Variants in SEC16A observed in about 807,000 individuals in gnomAD.
SEC16A encodes protein transport protein Sec16A.
A neutral mutation model predicts 221.9 loss-of-function variants in SEC16A; 110 were observed. That is an observed-to-expected ratio of 0.50 (90% CI 0.42 to 0.58). The LOEUF (loss-of-function observed/expected upper bound fraction) is 0.58, where lower values mean the gene tolerates loss of function less well. Among genes scored for constraint, SEC16A ranks in the 20% least tolerant of loss-of-function variants. The probability of loss-of-function intolerance (pLI) is 0.00; values close to 1 mark genes in which losing one functional copy is unlikely to be tolerated. For synonymous variants in SEC16A, 1,393 were observed against 1,257.7 expected, an observed-to-expected ratio of 1.11 and a Z score of -2.28; for missense variants, 3,165 against 3,097.8, an observed-to-expected ratio of 1.02 and a Z score of -0.52.
rs890137803 is a variant in SEC16A, at chr9:136,451,238, G to A, written c.6312+18C>T. 1.1e-5 allele frequency: 17 copies of A among 1,605,796 alleles called. No individual in the cohort carries two copies. The highest frequency in any genetic ancestry group is 4.0e-5 in the African/African-American group (3 of 74,772). On this transcript the variant is annotated intron_variant, in intron 23 of 31. Transcript: ENST00000684901. Reference sequence around the variant, plus strand: ...AACCCTCCCGGCCGCCAGGCGCACCGTGGGCAGGCTGTACTACCTTCTTAG... The same window carrying A: ...AACCCTCCCGGCCGCCAGGCGCACCATGGGCAGGCTGTACTACCTTCTTAG...
intron 23 of SEC16A, 46 bp from the exon 24 acceptor site, chr9:136,448,207 A>G (rs1479169183): frequency 1.3e-6 from 2 of 1,537,190 alleles, no homozygotes; most frequent in Non-Finnish European, 1.8e-6. Context: ...ATTATGTTCC[A>G]TGAAATAAGC....
intron 13 of SEC16A, among the ~76,000 whole-genome samples, 196 bp from the exon 14 acceptor site, chr9:136,460,319 G>C (rs2132315517): frequency 6.6e-6 from 1 of 152,216 alleles, no homozygotes; most frequent in Non-Finnish European, 1.5e-5. Flanking sequence ...GCCGGGTGTG[G>C]TGGTGCACAC....
intron 4 of SEC16A, among the ~76,000 whole-genome samples, chr9:136,470,828 C>T (rs1247796721): frequency 1.3e-5 from 2 of 152,240 alleles, no homozygotes; most frequent in African/African-American, 4.8e-5. Flanking sequence ...GTAGCTTTTT[C>T]TCTATTACCA....
chr9:136,450,280 C>T (rs759000675), intron 23 of SEC16A, among the ~76,000 whole-genome samples: 1 of 152,094 alleles, frequency 6.6e-6, no homozygotes, highest in Non-Finnish European at 1.5e-5. Flanking sequence ...GAAGATATCA[C>T]AATAAATACA....
In SEC16A at chr9:136,475,702, G is replaced by C; in HGVS notation, c.1914C>G (p.Thr638=). 2 of 1,613,432 alleles carry C rather than the reference G, an allele frequency of 1.2e-6. No homozygotes were observed. Among genetic ancestry groups the C allele is most frequent in the Non-Finnish European group, 1.7e-6 (2 of 1,179,688 alleles). The change falls in exon 3 of 32, where the codon ACC becomes ACG. Residue 638 remains threonine (T), a synonymous_variant. Transcript: ENST00000684901. The surrounding 1 kb of genome is among the most constrained non-coding windows in gnomAD (Gnocchi z 5.0). The stretch of plus-strand genomic sequence containing the variant: ...GTCTGCACTGCTTCTGGCGGACACA[G>C]GTCTCCCTTACTTCACCAACCACGT... ...RANVVGEVRE[T]CVRQKQCRPA...
intron 12 of SEC16A, among the ~76,000 whole-genome samples, 160 bp from the exon 13 acceptor site, chr9:136,461,434 G>A (rs1839469613): frequency 1.3e-5 from 2 of 152,234 alleles, no homozygotes; most frequent in Non-Finnish European, 2.9e-5. Context: ...GACACGTAGC[G>A]ATTCATTATT....
intron 12 of SEC16A, among the ~76,000 whole-genome samples, chr9:136,462,523 TGTG>T (rs1237915498): frequency 1.3e-5 from 2 of 152,230 alleles, no homozygotes; most frequent in Non-Finnish European, 2.9e-5. Flanking sequence ...ACTTCTGGGC[TGTG>T]GACTCGAGTC....
chr9:136,476,361 C>T lies in SEC16A; in HGVS notation c.1255G>A (p.Gly419Arg), dbSNP rs374218992. 2.0e-5 allele frequency: 32 copies of T among 1,612,680 alleles called. No individual in the cohort carries two copies. The highest frequency in any genetic ancestry group is 2.6e-5 in the Non-Finnish European group (31 of 1,179,882). The change falls in exon 3 of 32, where the codon GGG (glycine) becomes AGG (arginine). Residue 419 changes from glycine (G) to arginine (R), a missense_variant. This residue lies in a region of SEC16A where 2,030 missense variants were observed against 1,923.1 expected (regional missense o/e 1.06). Coordinates refer to ENST00000684901, the MANE Select transcript of SEC16A (RefSeq NM_014866.2). ...AGGGCCTGGCAGAGGCTGCCTGCCC[C>T]CACGTGTGTAGGTGCGGGCGGACGG... Reference protein sequence around the residue: ...LGRPPAPTHVGAGSLCQALLP... With the variant: ...LGRPPAPTHVRAGSLCQALLP...
At chr9:136,448,306 G>A in intron 23 of SEC16A, 145 bp from the exon 24 acceptor site, 1 of 737,516 alleles carries the variant, frequency 1.4e-6, no homozygotes, top group Non-Finnish European at 2.5e-6. Context: ...ATGGAGGTGG[G>A]AGCAGATCCA....
Position 136,441,772 on chromosome 9 carries a change from G to A in SEC16A, c.7057C>T (p.His2353Tyr). 1.2e-6 allele frequency: 2 copies of A among 1,613,394 alleles called. No homozygotes were observed. The highest frequency in any genetic ancestry group is 1.7e-6 in the Non-Finnish European group (2 of 1,179,824). ...SRLGRIGQRK[H>Y]LVLN ...GGGCAAGCCTAGTTCAGCACCAGGT[G>A]CTTCCTCTGGCCAATCCTCCCTAGC... The change falls in exon 32 of 32, where the codon CAC becomes TAC. Residue 2353 changes from histidine (H) to tyrosine (Y), a missense_variant. Transcript: ENST00000684901.
At chr9:136,483,331 T>C, upstream of SEC16A, among the ~76,000 whole-genome samples, 1 of 95,364 alleles carries the variant, frequency 1.0e-5, no homozygotes, top group African/African-American at 4.1e-5. Context: ...CCCGCTCCCC[T>C]TGGCCCCGCC....
Position 136,476,691 on chromosome 9 carries a change from C to G in SEC16A, c.925G>C (p.Val309Leu), listed in dbSNP as rs368605187. 1.1e-5 allele frequency: 17 copies of G among 1,574,200 alleles called. No individual in the cohort carries two copies. The highest frequency in any genetic ancestry group is 1.3e-5 in the Non-Finnish European group (15 of 1,157,602). ...AGCTCTGGGCTTGCCCAGTGATTCA[C>G]AATTCTGGGATTTTGCCTGAATGTA... Reference protein sequence around the residue: ...ESTFRQNPRIVNHWASPELRQ... With the variant: ...ESTFRQNPRILNHWASPELRQ... Residue 309 changes from valine (V) to leucine (L), a missense_variant, in exon 3 of 32, where the codon GTG becomes CTG. By Grantham distance (32) the Val-to-Leu change is conservative. Coordinates refer to ENST00000684901, the MANE Select transcript of SEC16A (RefSeq NM_014866.2).
intron 17 of SEC16A, 66 bp from the exon 18 acceptor site, chr9:136,457,650 C>A: frequency 6.5e-7 from 1 of 1,537,472 alleles, no homozygotes; most frequent in Non-Finnish European, 8.8e-7. Flanking sequence ...ATGGACAAAG[C>A]CTTGTACTGC....
At position 136,471,955 on chromosome 9, in the gene SEC16A, C is replaced by A. The variant is rs747720632; in HGVS notation, c.3704+20G>T. 28 of 1,609,578 alleles carry A rather than the reference C, an allele frequency of 1.7e-5. No individual in the cohort carries two copies. The South Asian group carries it at 3.0e-4, about 17-fold the overall frequency. ...GGTCTGAGTAGGACAGAGAGGCAGC[C>A]AGGGTGGGCGCGGCCGCACCTGGGA... On this transcript the variant is annotated intron_variant, in intron 4 of 31. Coordinates refer to ENST00000684901, the MANE Select transcript of SEC16A (RefSeq NM_014866.2).
chr9:136,480,692 C>T (rs1727520627), intron 1 of SEC16A, among the ~76,000 whole-genome samples: 1 of 152,040 alleles, frequency 6.6e-6, no homozygotes, highest in Non-Finnish European at 1.5e-5. Flanking sequence ...AAGATCGAGA[C>T]CATCCTGGCT....
In SEC16A at chr9:136,440,440, AT is replaced by A. The variant is rs1836067946; in HGVS notation, c.*1314del. 1 of 152,608 alleles carries A rather than the reference AT, an allele frequency of 6.6e-6. No individual in the cohort carries two copies. Among genetic ancestry groups the A allele is most frequent in the Non-Finnish European group, 1.5e-5 (1 of 68,052 alleles). The allele number at this position is 152,608 out of a possible 1,614,324, so 9.5% of individuals were successfully genotyped here. A position where few individuals can be genotyped will look rare whatever the true frequency, so the allele number is the denominator to read the frequency against. On this transcript the variant is annotated 3_prime_UTR_variant, in exon 32 of 32. Transcript: ENST00000684901. ...AGAAAGCCAGGAAGGATCTGTGCTA[AT>A]TCCACATTCTACAATTTCTACACTT... is the stretch of plus-strand genomic sequence containing the variant.
At position 136,441,047 on chromosome 9, in the gene SEC16A, T is replaced by C. The variant is rs947970655; in HGVS notation, c.*708A>G. On this transcript the variant is annotated 3_prime_UTR_variant, in exon 32 of 32. Coordinates refer to ENST00000684901, the MANE Select transcript of SEC16A (RefSeq NM_014866.2). ...CACACGGTGGGCAGTCCCCAGCGCT[T>C]TGGGTACACAAAATCACCCATGGTC... 1.3e-5 allele frequency: 2 copies of C among 152,286 alleles called. No individual in the cohort carries two copies. Among genetic ancestry groups the C allele is most frequent in the African/African-American group, 4.8e-5 (2 of 41,410 alleles). 9.4% of individuals were successfully genotyped at this position (152,286 alleles called of 1,614,324 possible). A position where few individuals can be genotyped will look rare whatever the true frequency, so the allele number is the denominator to read the frequency against.
chr9:136,484,210 C>A (rs1344315183), upstream of SEC16A: 1 of 328,600 alleles, frequency 3.0e-6, no homozygotes, highest in Non-Finnish European at 4.5e-6. Context: ...CACAGGGGCG[C>A]TGGGGTCCCA....
At chr9:136,465,503 G>A (rs1437358073) in intron 8 of SEC16A, among the ~76,000 whole-genome samples, 2 of 151,896 alleles carry the variant, frequency 1.3e-5, no homozygotes, top group Non-Finnish European at 2.9e-5. Context: ...ATTAAATTCT[G>A]TAACTTTATA....
Sources: allele counts gnomAD v4.1 joint callset (sites outside exome capture counted in the v4.1 genomes callset), GRCh38; gene constraint gnomAD v4.1.1; regional missense constraint gnomAD v4.1.1; non-coding constraint Gnocchi (gnomAD v3.1); transcripts MANE v1.5; gene names NCBI Gene and HGNC (gene_info 2026-07-23, HGNC 2026-07-21).